NAT1: variants seen among roughly 807,000 people sequenced by gnomAD.
The protein encoded by NAT1 is N-acetyltransferase 1.
For synonymous variants in NAT1, 144 were observed against 122.6 expected, an observed-to-expected ratio of 1.17 and a Z score of -1.16; for missense variants, 400 against 339.2, an observed-to-expected ratio of 1.18 and a Z score of -1.41.
intron 2 of NAT1, among the ~76,000 whole-genome samples, chr8:18,193,442 G>A (rs1463080434): frequency 7.2e-6 from 1 of 139,850 alleles, no homozygotes; most frequent in East Asian, 2.1e-4. Flanking sequence ...GGGTGAGAGA[G>A]TGAGACTCTG....
intron 2 of NAT1, among the ~76,000 whole-genome samples, chr8:18,196,238 C>T (rs1589079300): frequency 6.6e-6 from 1 of 151,946 alleles, no homozygotes; most frequent in African/African-American, 2.4e-5. Flanking sequence ...GCGTGAGCCA[C>T]CACACCCAGC....
intron 1 of NAT1, among the ~76,000 whole-genome samples, chr8:18,210,580 G>C (rs1212823315): frequency 6.6e-6 from 1 of 152,186 alleles, no homozygotes; most frequent in East Asian, 1.9e-4. Context: ...TTCCCTCTTG[G>C]TTACTTGTAA....
chr8:18,180,708 A>G (rs891340589), intron 2 of NAT1, among the ~76,000 whole-genome samples: 1 of 152,172 alleles, frequency 6.6e-6, no homozygotes, highest in Admixed American at 6.5e-5. Flanking sequence ...GGTAACACTA[A>G]ATACCCTTAT....
intron 2 of NAT1, among the ~76,000 whole-genome samples, chr8:18,179,426 A>G (rs1802421589): frequency 6.6e-6 from 1 of 152,078 alleles, no homozygotes; most frequent in African/African-American, 2.4e-5. Context: ...CCTCTTGAGA[A>G]CCTTGGTTTT....
intron 2 of NAT1, among the ~76,000 whole-genome samples, chr8:18,172,797 G>A (rs1224262556): frequency 6.6e-6 from 1 of 152,204 alleles, no homozygotes; most frequent in East Asian, 1.9e-4. Flanking sequence ...ACATATTTGA[G>A]ACATTGACTT....
At chr8:18,206,527 T>C (rs1268068833), upstream of NAT1, among the ~76,000 whole-genome samples, 2 of 152,200 alleles carry the variant, frequency 1.3e-5, no homozygotes, top group African/African-American at 2.4e-5. Context: ...AATACAGGAC[T>C]GTATGTATGA....
At chr8:18,196,569 C>G (rs190049565) in intron 2 of NAT1, among the ~76,000 whole-genome samples, 1 of 152,112 alleles carries the variant, frequency 6.6e-6, no homozygotes. Flanking sequence ...TACTTATTAC[C>G]GATACATCTG....
intron 1 of NAT1, among the ~76,000 whole-genome samples, chr8:18,214,560 G>A (rs1032472312): frequency 1.3e-5 from 2 of 151,846 alleles, no homozygotes; most frequent in Non-Finnish European, 2.9e-5. Context: ...CTTTAATTTT[G>A]ACTTTTAATA....
chr8:18,204,135 C>T (rs968071636), intron 2 of NAT1, among the ~76,000 whole-genome samples: 4 of 151,718 alleles, frequency 2.6e-5, no homozygotes, highest in East Asian at 1.9e-4. Context: ...GGCTGCAGTC[C>T]GCTGCCTCCT....
chr8:18,177,617 G>A (rs1802339296), intron 2 of NAT1, among the ~76,000 whole-genome samples: 1 of 152,084 alleles, frequency 6.6e-6, no homozygotes, highest in Admixed American at 6.6e-5. Flanking sequence ...GGATATATGT[G>A]TTAATGATAA....
Position 18,196,384 on chromosome 8 carries a change from G to A in NAT1, n.93-13397G>A, listed in dbSNP as rs113954178. 2.6e-3 allele frequency among the ~76,000 whole-genome samples: 393 copies of A among 151,664 alleles called. 2 individuals carry two copies. The highest frequency in any genetic ancestry group is 4.4e-3 in the Non-Finnish European group (300 of 67,926). On this transcript the variant is annotated intron_variant and non_coding_transcript_variant, in intron 2 of 4. Transcript: ENST00000517441. ...CATGAAGCACAATGACAAAAGTAGG[G>A]ATGAACATATGAGGAAAAAAGAAAA...
chr8:18,193,499 TATATATA>T (rs1218321954), intron 2 of NAT1, among the ~76,000 whole-genome samples: 1 of 130,878 alleles, frequency 7.6e-6, no homozygotes, highest in African/African-American at 3.7e-5. Flanking sequence ...CTGATATATA[TATATATA>T]ATATATATAT....
chr8:18,189,007 AAAAAAGAAAG>A (rs1459682053), intron 2 of NAT1, among the ~76,000 whole-genome samples: 3 of 151,218 alleles, frequency 2.0e-5, no homozygotes, highest in African/African-American at 7.3e-5. Context: ...AAAAAAAAAA[AAAAAAGAAAG>A]AAAGAAAGAA....
At chr8:18,219,800 C>T (rs1368022606) in intron 2 of NAT1, among the ~76,000 whole-genome samples, 1 of 152,140 alleles carries the variant, frequency 6.6e-6, no homozygotes, top group East Asian at 1.9e-4. Context: ...ACAAAACTGA[C>T]TTCTTTCAAA....
rs559886121 is a variant in NAT1, at chr8:18,220,200, G to C, written c.-7+711G>C. ...GACCAAATGTTACGAAAGGGTGCTG[G>C]TGGAAGTTAGGATGAGAAGAAATGC... On this transcript the variant is annotated intron_variant, in intron 2 of 2. Coordinates refer to ENST00000307719, the MANE Select transcript of NAT1 (RefSeq NM_000662.8). Among the ~76,000 whole-genome samples the C allele has an allele frequency of 3.3e-5, 5 of 152,302 alleles. No individual in the cohort carries two copies. In the South Asian group the frequency reaches 1.0e-3, roughly 32 times the overall value.
At position 18,223,050 on chromosome 8, in the gene NAT1, T is replaced by C. The variant is rs778831480; in HGVS notation, c.*130T>C. 8 of 594,420 alleles carry C rather than the reference T, an allele frequency of 1.3e-5. No individual in the cohort carries two copies. The highest frequency in any genetic ancestry group is 1.9e-5 in the African/African-American group (1 of 51,608). The allele number at this position is 594,420 out of a possible 1,614,324, so 36.8% of individuals were successfully genotyped here. On this transcript the variant is annotated 3_prime_UTR_variant, in exon 3 of 3. Coordinates refer to ENST00000307719, the MANE Select transcript of NAT1 (RefSeq NM_000662.8). ...CCTAGACATCAAATCATTTCACCTATAAAAATGTCATCATATATAATTAAA... is the reference window on the plus strand; with the variant it reads ...CCTAGACATCAAATCATTTCACCTACAAAAATGTCATCATATATAATTAAA...
At chr8:18,200,060 T>C (rs1331261420) in intron 2 of NAT1, among the ~76,000 whole-genome samples, 1 of 152,160 alleles carries the variant, frequency 6.6e-6, no homozygotes, top group Non-Finnish European at 1.5e-5. Flanking sequence ...TATCAGGTTG[T>C]GGAGAAAAGG....
At chr8:18,184,292 G>T (rs1466378304) in intron 2 of NAT1, among the ~76,000 whole-genome samples, 1 of 152,164 alleles carries the variant, frequency 6.6e-6, no homozygotes, top group Non-Finnish European at 1.5e-5. Context: ...GCCAAGGAGA[G>T]TTGCATTAGA....
At chr8:18,221,296 GT>G (rs534090137) in intron 2 of NAT1, among the ~76,000 whole-genome samples, 32 of 131,502 alleles carry the variant, frequency 2.4e-4, no homozygotes, top group African/African-American at 7.4e-4. Context: ...CTTAGCGAGT[GT>G]TTTTTTTTTG....
Sources: allele counts gnomAD v4.1 joint callset (sites outside exome capture counted in the v4.1 genomes callset), GRCh38; gene constraint gnomAD v4.1.1; transcripts MANE v1.5; gene names NCBI Gene and HGNC (gene_info 2026-07-23, HGNC 2026-07-21).